Variants in CD8B2 observed in about 807,000 individuals in gnomAD.
CD8B2 encodes T-cell surface glycoprotein CD8 beta-2 chain.
CD8B2 carries 11 observed loss-of-function variants against 23.7 expected under a neutral mutation model. The ratio of observed to expected loss-of-function variants is 0.46; its 90% CI spans 0.29 to 0.77. CD8B2 has a LOEUF of 0.77. Ranked by LOEUF, CD8B2 falls within the 30% of genes least tolerant of loss-of-function variation. CD8B2 has a pLI of 0.09. For missense variants in CD8B2, 197 were observed against 270.5 expected (o/e 0.73, Z 1.91); for synonymous variants, 90 against 109.3 (o/e 0.82, Z 1.10).
chr2:106,496,312 T>TGG, intron 3 of CD8B2, 50 bp downstream of exon 3: 33 of 1,262,114 alleles, frequency 2.6e-5, no homozygotes, highest in Non-Finnish European at 3.1e-5. Flanking sequence ...GACATCCCCT[T>TGG]GCCCTCCCTC....
downstream of CD8B2, among the ~76,000 whole-genome samples, chr2:106,515,425 G>A (rs544788740): frequency 6.6e-6 from 1 of 152,186 alleles, no homozygotes; most frequent in African/African-American, 2.4e-5. Context: ...TCTTTGAGAG[G>A]TAGTTAGGTT....
chr2:106,540,857 C>T (rs969433980), intron 5 of CD8B2, among the ~76,000 whole-genome samples: 1 of 152,222 alleles, frequency 6.6e-6, no homozygotes, highest in Non-Finnish European at 1.5e-5. Context: ...GCCACTGTGC[C>T]CGGCCCCAAA....
downstream of CD8B2, among the ~76,000 whole-genome samples, chr2:106,512,553 C>T (rs1479168109): frequency 1.3e-5 from 2 of 152,086 alleles, no homozygotes; most frequent in African/African-American, 4.8e-5. Flanking sequence ...CAGCTTTGAC[C>T]TCCCTGACTC....
chr2:106,516,647 C>A (rs915832655), intron 5 of CD8B2, among the ~76,000 whole-genome samples: 3 of 152,112 alleles, frequency 2.0e-5, no homozygotes, highest in African/African-American at 7.2e-5. Flanking sequence ...CCTGTTAGCA[C>A]TTACTTGTGA....
intron 5 of CD8B2, among the ~76,000 whole-genome samples, chr2:106,539,634 T>C (rs539879094): frequency 6.6e-6 from 1 of 152,314 alleles, no homozygotes; most frequent in African/African-American, 2.4e-5. Context: ...ACCAAAAACA[T>C]TTTTAAGATG....
rs766324921 is a variant in CD8B2 at position 106,534,907 on chromosome 2, C to T, written c.621-9085C>T. Among the ~76,000 whole-genome samples the T allele has an allele frequency of 9.2e-5, 14 of 152,244 alleles. No homozygotes were observed. The South Asian group carries it at 1.2e-3, about 14-fold the overall frequency. On this transcript the variant is annotated intron_variant, in intron 5 of 5. Coordinates refer to the CD8B2 transcript ENST00000416057. ...GATCTTGGCTCACTGCAACCTCCTC[C>T]GCCTTCTGGGTTCAAGCGATTCTCT...
intron 5 of CD8B2, among the ~76,000 whole-genome samples, chr2:106,504,900 C>T (rs1197606084): frequency 2.0e-5 from 3 of 152,166 alleles, no homozygotes; most frequent in Non-Finnish European, 4.4e-5. Flanking sequence ...CTTCCACCAG[C>T]CATTGCTTTC....
At chr2:106,541,003 A>G (rs1039448403) in intron 5 of CD8B2, among the ~76,000 whole-genome samples, 15 of 152,238 alleles carry the variant, frequency 9.9e-5, no homozygotes, top group South Asian at 2.1e-4. Context: ...AAGAGACTCA[A>G]TGGTCCACAG....
chr2:106,513,080 C>T (rs1380288447), downstream of CD8B2, among the ~76,000 whole-genome samples: 5 of 152,054 alleles, frequency 3.3e-5, no homozygotes. Flanking sequence ...TCCCTCTCCA[C>T]TGCCCCTCCC....
rs548707616 is a variant in CD8B2 at position 106,532,726 on chromosome 2, T to A, written c.621-11266T>A. ...TGGCATCTGTAAACTATCATGGCAC[T>A]CGTGGTAGTGTAGCAGTGAGGTCGA... is the stretch of plus-strand genomic sequence containing the variant. On this transcript the variant is annotated intron_variant, in intron 5 of 5. Transcript: ENST00000416057. Among the ~76,000 whole-genome samples the A allele has an allele frequency of 6.0e-4, 92 of 152,330 alleles. 1 individual carries two copies. Among genetic ancestry groups the A allele is most frequent in the Non-Finnish European group, 1.1e-3 (74 of 68,022 alleles).
At position 106,540,402 on chromosome 2, in the gene CD8B2, A is replaced by G. The variant is rs538448010; in HGVS notation, c.621-3590A>G. Among the ~76,000 whole-genome samples the G allele has an allele frequency of 6.6e-5, 10 of 152,292 alleles. No individual in the cohort carries two copies. The East Asian group carries it at 1.9e-3, about 29-fold the overall frequency. On this transcript the variant is annotated intron_variant, in intron 5 of 5. Transcript: ENST00000416057. ...AAGGCGCATTAATGTCAATCTCAAA[A>G]CAGATAAAAATAGGACCAAGAATGA...
rs1679555632 is a variant in CD8B2, at chr2:106,508,387, C to T, written c.*1447C>T. 6.7e-6 allele frequency: 1 copy of T among 149,534 alleles called. No individual in the cohort carries two copies. Among genetic ancestry groups the T allele is most frequent in the Admixed American group, 6.6e-5 (1 of 15,048 alleles). 9.3% of individuals were successfully genotyped at this position (149,534 alleles called of 1,614,324 possible). ...GACTCTGGGGAAGGGGCAGTGGGAC[C>T]TTCTCCTGGCATCTGGGGTGCGGCC... On this transcript the variant is annotated 3_prime_UTR_variant, in exon 6 of 6. Transcript: ENST00000643224.
intron 5 of CD8B2, among the ~76,000 whole-genome samples, chr2:106,523,455 C>T (rs1573346896): frequency 6.6e-6 from 1 of 152,112 alleles, no homozygotes; most frequent in Non-Finnish European, 1.5e-5. Flanking sequence ...GAGTGGAAAG[C>T]CTCACCGTAG....
At chr2:106,537,183 A>G (rs1013397559) in intron 5 of CD8B2, among the ~76,000 whole-genome samples, 10 of 152,072 alleles carry the variant, frequency 6.6e-5, no homozygotes, top group Admixed American at 6.5e-5. Flanking sequence ...CTTCCCCCCA[A>G]ATGCTGCCCT....
In CD8B2 at chr2:106,491,838, C is replaced by T. The variant is rs575463635; in HGVS notation, c.403+605C>T. On this transcript the variant is annotated intron_variant, in intron 2 of 5. Coordinates refer to ENST00000643224, the MANE Select transcript of CD8B2 (RefSeq NM_001349727.2). Reference sequence around the variant, plus strand: ...CGCTAGGATTACAGGCGTGAGCCACCGTGCCTGGCCAGGCATTATTCTTCT... The same window carrying T: ...CGCTAGGATTACAGGCGTGAGCCACTGTGCCTGGCCAGGCATTATTCTTCT... Among the ~76,000 whole-genome samples, 4 of 152,296 alleles carry T rather than the reference C, an allele frequency of 2.6e-5. No homozygotes were observed. The South Asian group carries it at 8.3e-4, about 32-fold the overall frequency.
At position 106,487,478 on chromosome 2, in the gene CD8B2, G is replaced by T. The variant is rs1679098652; in HGVS notation, c.43+9G>T. ...GGCCGCGCAGCTGACAGGTAAGGCG[G>T]CGGCGCGCGGGCTGCCCAAGGTCTG... is the stretch of plus-strand genomic sequence containing the variant. On this transcript the variant is annotated intron_variant, in intron 1 of 5. Transcript: ENST00000643224. 2 of 1,243,668 alleles carry T rather than the reference G, an allele frequency of 1.6e-6. No individual in the cohort carries two copies. The highest frequency in any genetic ancestry group is 6.3e-5 in the East Asian group (2 of 31,698). The allele number at this position is 1,243,668 out of a possible 1,614,324, so 77.0% of individuals were successfully genotyped here.
At position 106,507,048 on chromosome 2, in the gene CD8B2, G is replaced by A. The variant is rs1679522673; in HGVS notation, c.*108G>A. On this transcript the variant is annotated 3_prime_UTR_variant, in exon 6 of 6. Coordinates refer to ENST00000643224, the MANE Select transcript of CD8B2 (RefSeq NM_001349727.2). ...ACATTCAACCCTGGAGAGTTCAATG[G>A]CTGCTGAAGCTGCCTGCTTTTCACT... 6.7e-6 allele frequency: 10 copies of A among 1,497,004 alleles called. No homozygotes were observed. The South Asian group carries it at 8.4e-5, about 13-fold the overall frequency. 92.7% of individuals were successfully genotyped at this position (1,497,004 alleles called of 1,614,324 possible).
At chr2:106,516,673 C>T (rs1037385031) in intron 5 of CD8B2, among the ~76,000 whole-genome samples, 6 of 152,112 alleles carry the variant, frequency 3.9e-5, no homozygotes, top group Admixed American at 2.6e-4. Flanking sequence ...AGAGCTCTTT[C>T]GTAAGCCTTT....
At chr2:106,502,812 G>C (rs1411297364) in intron 4 of CD8B2, among the ~76,000 whole-genome samples, 1 of 151,726 alleles carries the variant, frequency 6.6e-6, no homozygotes, top group Admixed American at 6.6e-5. Context: ...CCAGTGCCCC[G>C]GTCTCTCTGA....
Sources: allele counts gnomAD v4.1 joint callset (sites outside exome capture counted in the v4.1 genomes callset), GRCh38; gene constraint gnomAD v4.1.1; transcripts MANE v1.5; gene names NCBI Gene and HGNC (gene_info 2026-07-23, HGNC 2026-07-21).